Variants in SLC16A1 observed in about 807,000 individuals in gnomAD.
SLC16A1 encodes monocarboxylate transporter 1.
SLC16A1 carries 11 observed loss-of-function variants against 32.2 expected under a neutral mutation model. The observed-to-expected ratio is 0.34, with a 90% CI of 0.21 to 0.56. The LOEUF (loss-of-function observed/expected upper bound fraction) is 0.56. Ranked by LOEUF, SLC16A1 falls within the 20% of genes least tolerant of loss-of-function variation. The probability of loss-of-function intolerance (pLI) is 0.87; values close to 1 mark genes in which losing one functional copy is unlikely to be tolerated. For missense variants in SLC16A1, 435 were observed against 615.0 expected, an observed-to-expected ratio of 0.71 and a Z score of 3.10; for synonymous variants, 231 against 226.8, an observed-to-expected ratio of 1.02 and a Z score of -0.17.
intron 1 of SLC16A1, among the ~76,000 whole-genome samples, chr1:112,948,379 C>A (rs2101651652): frequency 6.6e-6 from 1 of 152,234 alleles, no homozygotes; most frequent in Middle Eastern, 3.4e-3. Flanking sequence ...CAAAACAGCA[C>A]CATTAAATAG....
chr1:112,913,759 GAAC>G lies in SLC16A1; in HGVS notation c.*129_*131del. 1 of 1,148,682 alleles carries G rather than the reference GAAC, an allele frequency of 8.7e-7. No individual in the cohort carries two copies. Among genetic ancestry groups the G allele is most frequent in the East Asian group, 2.3e-5 (1 of 42,602 alleles). The allele number at this position is 1,148,682 out of a possible 1,614,324, so 71.2% of individuals were successfully genotyped here. A position where few individuals can be genotyped will look rare whatever the true frequency, so the allele number is the denominator to read the frequency against. Reference sequence around the variant, plus strand: ...GGAGTCAAACAAAAATCCCATCAATGAACAACTGGTATGATTTCCACACAAATG... The same window carrying G: ...GGAGTCAAACAAAAATCCCATCAATGAACTGGTATGATTTCCACACAAATG... On this transcript the variant is annotated 3_prime_UTR_variant, in exon 5 of 5. Coordinates refer to ENST00000369626, the MANE Select transcript of SLC16A1 (RefSeq NM_003051.4).
At chr1:112,943,139 G>A (rs1649567208) in intron 1 of SLC16A1, among the ~76,000 whole-genome samples, 1 of 152,176 alleles carries the variant, frequency 6.6e-6, no homozygotes, top group Non-Finnish European at 1.5e-5. Context: ...TAAGAAAGGT[G>A]TGGGGGTATA....
At chr1:112,931,644 CAAAAAAAAA>C (rs561013159) in intron 1 of SLC16A1, among the ~76,000 whole-genome samples, 2 of 62,028 alleles carry the variant, frequency 3.2e-5, no homozygotes. Context: ...TACTCTGTCT[CAAAAAAAAA>C]AAAAAAAAAA....
chr1:112,941,734 G>C (rs964893538), intron 1 of SLC16A1, among the ~76,000 whole-genome samples: 19 of 152,178 alleles, frequency 1.2e-4, no homozygotes, highest in African/African-American at 4.6e-4. Context: ...GCTAACATTT[G>C]TAACTGTCCT....
Position 112,913,822 on chromosome 1 carries a change from C to T in SLC16A1, c.*69G>A. ...TGCATTGAGCACCACTGGTAGATTACAGGCCAGTAGAATATTTTCAGATAT... is the reference window on the plus strand; with the variant it reads ...TGCATTGAGCACCACTGGTAGATTATAGGCCAGTAGAATATTTTCAGATAT... On this transcript the variant is annotated 3_prime_UTR_variant, in exon 5 of 5. Coordinates refer to ENST00000369626, the MANE Select transcript of SLC16A1 (RefSeq NM_003051.4). 1.3e-6 allele frequency: 2 copies of T among 1,560,216 alleles called. No homozygotes were observed. Among genetic ancestry groups the T allele is most frequent in the Non-Finnish European group, 8.8e-7 (1 of 1,132,148 alleles).
chr1:112,953,735 TG>T (rs759842430), intron 1 of SLC16A1, among the ~76,000 whole-genome samples: 13 of 152,204 alleles, frequency 8.5e-5, no homozygotes, highest in Non-Finnish European at 1.8e-4. Flanking sequence ...ATGTCTGGAA[TG>T]TTCTTTCCAC....
chr1:112,918,054 C>CAATA lies in SLC16A1; in HGVS notation c.362-14_362-11dup, dbSNP rs149491709. The CAATA allele has an allele frequency of 3.2e-3, 2,760 of 859,478 alleles. 7 individuals are homozygous for CAATA. The highest frequency in any genetic ancestry group is 9.5e-3 in the African/African-American group (509 of 53,374). 53.2% of individuals were successfully genotyped at this position (859,478 alleles called of 1,614,324 possible). On this transcript the variant is annotated splice_polypyrimidine_tract_variant and intron_variant, in intron 3 of 4. Transcript: ENST00000369626. Reference sequence around the variant, plus strand: ...AAGGCAAGCCCAAGACCTGTGAAGACAATAAATAAATAAATAAATAAATAA... The same window carrying CAATA: ...AAGGCAAGCCCAAGACCTGTGAAGACAATAAATAAATAAATAAATAAATAAATAA...
At chr1:112,924,101 C>A in intron 2 of SLC16A1, 2 of 1,332,338 alleles carry the variant, frequency 1.5e-6, no homozygotes, top group Non-Finnish European at 2.2e-6. Flanking sequence ...TAGAGAAGGC[C>A]CTGCAGGCCG....
chr1:112,944,980 A>ACT (rs1457604188), intron 1 of SLC16A1, among the ~76,000 whole-genome samples: 1 of 145,236 alleles, frequency 6.9e-6, no homozygotes, highest in Non-Finnish European at 1.5e-5. Flanking sequence ...GGCCTGAGCC[A>ACT]CTGCACCCAG....
At chr1:112,948,172 C>T (rs1649766755) in intron 1 of SLC16A1, among the ~76,000 whole-genome samples, 1 of 151,948 alleles carries the variant, frequency 6.6e-6, no homozygotes, top group Non-Finnish European at 1.5e-5. Flanking sequence ...AGTGAGCCAA[C>T]ATCACGCCAC....
intron 4 of SLC16A1, among the ~76,000 whole-genome samples, chr1:112,914,858 C>T (rs1648447498): frequency 6.6e-6 from 1 of 152,128 alleles, no homozygotes; most frequent in South Asian, 2.1e-4. Context: ...TGATAAATGG[C>T]ATATTATTTT....
intron 1 of SLC16A1, among the ~76,000 whole-genome samples, chr1:112,950,715 A>G (rs6537765): frequency 0.65 from 99,503 of 152,154 alleles, 33,889 homozygotes; most frequent in African/African-American, 0.86. Flanking sequence ...TGTTATTGCT[A>G]GACAGGTGAG....
chr1:112,950,564 A>G (rs759714225), intron 1 of SLC16A1, among the ~76,000 whole-genome samples: 2 of 152,258 alleles, frequency 1.3e-5, no homozygotes, highest in Non-Finnish European at 2.9e-5. Flanking sequence ...ATGATAGTGT[A>G]GATAACCAAC....
rs566758026 is a variant in SLC16A1, at chr1:112,931,155, T to C, written c.-44-1803A>G. 2.0e-5 allele frequency among the ~76,000 whole-genome samples: 3 copies of C among 152,264 alleles called. No individual in the cohort carries two copies. The South Asian group carries it at 6.2e-4, about 32-fold the overall frequency. ...GTGGGTGCCTGACTCACTAGATATG[T>C]AGCAATTTACAAAAAAAAAGATAAT... On this transcript the variant is annotated intron_variant, in intron 1 of 4. Coordinates refer to ENST00000369626, the MANE Select transcript of SLC16A1 (RefSeq NM_003051.4).
At chr1:112,919,922 A>G (rs1054051209) in intron 3 of SLC16A1, among the ~76,000 whole-genome samples, 1 of 152,068 alleles carries the variant, frequency 6.6e-6, no homozygotes, top group African/African-American at 2.4e-5. Context: ...TCACTACCTG[A>G]TATTTTTCTT....
chr1:112,923,869 C>T, intron 2 of SLC16A1: 1 of 1,517,382 alleles, frequency 6.6e-7, no homozygotes, highest in Non-Finnish European at 9.1e-7. Context: ...ATGTACAACG[C>T]CACCACCCAG....
intron 2 of SLC16A1, chr1:112,922,486 G>C: frequency 1.3e-5 from 4 of 309,114 alleles, no homozygotes; most frequent in Non-Finnish European, 2.5e-5. Context: ...CATGTATGTA[G>C]AAAGTGGCTG....
At chr1:112,916,514 A>C (rs1028187520) in intron 4 of SLC16A1, among the ~76,000 whole-genome samples, 8 of 151,368 alleles carry the variant, frequency 5.3e-5, no homozygotes, top group Non-Finnish European at 1.2e-4. Flanking sequence ...AAAAAAAAAA[A>C]AAAAAAAACT....
chr1:112,916,939 A>G (rs554868748), intron 4 of SLC16A1, among the ~76,000 whole-genome samples: 98 of 152,288 alleles, frequency 6.4e-4, no homozygotes, highest in Non-Finnish European at 1.0e-3. Flanking sequence ...AAAAAAAAAG[A>G]AAAAACACTG....
Sources: gnomAD v4.1 joint callset for allele counts (sites outside exome capture counted in the v4.1 genomes callset) on GRCh38, gnomAD v4.1.1 for gene constraint, MANE v1.5 for transcripts, NCBI Gene and HGNC (gene_info 2026-07-23, HGNC 2026-07-21) for gene names.